Variants in PPP4R1 observed in about 807,000 individuals in gnomAD.
The protein encoded by PPP4R1 is serine/threonine-protein phosphatase 4 regulatory subunit 1.
PPP4R1 carries 42 observed loss-of-function variants against 111.2 expected under a neutral mutation model. The ratio of observed to expected loss-of-function variants is 0.38; its 90% CI spans 0.29 to 0.49. The LOEUF (loss-of-function observed/expected upper bound fraction) is 0.49, where lower values mean the gene tolerates loss of function less well. Among genes scored for constraint, PPP4R1 ranks in the 20% least tolerant of loss-of-function variants. The pLI is 0.97. For missense variants in PPP4R1, 1,012 were observed against 1,161.6 expected (o/e 0.87, Z 1.87); for synonymous variants, 409 against 405.5 (o/e 1.01, Z -0.10).
At chr18:9,583,734 A>C (rs2067070222) in intron 8 of PPP4R1, among the ~76,000 whole-genome samples, 1 of 152,172 alleles carries the variant, frequency 6.6e-6, no homozygotes, top group Non-Finnish European at 1.5e-5. Flanking sequence ...AACAATTTTC[A>C]ATAAATCACA....
intron 6 of PPP4R1, chr18:9,587,430 T>G (rs1418231940): frequency 6.7e-6 from 1 of 149,274 alleles, no homozygotes; most frequent in African/African-American, 2.5e-5. Context: ...TAAGACAGAG[T>G]CTTGTTCTGT....
At chr18:9,591,219 A>G (rs1010513175) in intron 4 of PPP4R1, among the ~76,000 whole-genome samples, 9 of 151,906 alleles carry the variant, frequency 5.9e-5, no homozygotes, top group Non-Finnish European at 1.3e-4. Context: ...ATGGTGGTGC[A>G]TGCCTGTAAT....
chr18:9,549,401 G>A, intron 18 of PPP4R1, 63 bp from the exon 19 acceptor site: 1 of 1,539,242 alleles, frequency 6.5e-7, no homozygotes, highest in Non-Finnish European at 8.9e-7. Flanking sequence ...TCGACTACTG[G>A]CTAACAAAAT....
At chr18:9,561,306 G>C (rs1286364321) in intron 13 of PPP4R1, among the ~76,000 whole-genome samples, 1 of 151,744 alleles carries the variant, frequency 6.6e-6, no homozygotes, top group East Asian at 1.9e-4. Flanking sequence ...CATGGTGAAT[G>C]CAGCACTGCT....
At chr18:9,600,426 T>C (rs1410092184) in intron 2 of PPP4R1, among the ~76,000 whole-genome samples, 1 of 152,054 alleles carries the variant, frequency 6.6e-6, no homozygotes, top group Non-Finnish European at 1.5e-5. Context: ...TTACATTAAA[T>C]ATAAATGGAC....
chr18:9,557,231 T>G lies in PPP4R1; in HGVS notation c.2180A>C (p.Asp727Ala). ...AAATTTAAAAGTTACCTTCAGAAAATCATGCAAGTGTTTAAGAACACCTAT... is the reference window on the plus strand; with the variant it reads ...AAATTTAAAAGTTACCTTCAGAAAAGCATGCAAGTGTTTAAGAACACCTAT... ...VRIGVLKHLH[D>A]FLKLLHIDKR... The change falls in exon 15 of 20, where the codon GAT (aspartate) becomes GCT (alanine). Residue 727 changes from aspartate (D) to alanine (A), a missense_variant. By Grantham distance (126) the Asp-to-Ala change is moderately radical. Around this residue, in one of 2 missense-constraint regions of PPP4R1, gnomAD observed 305 missense variants for 419.5 expected, o/e 0.73. Transcript: ENST00000400556. 6.4e-7 allele frequency: 1 copy of G among 1,571,972 alleles called. No individual in the cohort carries two copies. The highest frequency in any genetic ancestry group is 8.6e-7 in the Non-Finnish European group (1 of 1,167,080).
intron 2 of PPP4R1, among the ~76,000 whole-genome samples, chr18:9,603,542 C>A (rs2067427876): frequency 6.6e-6 from 1 of 152,154 alleles, no homozygotes; most frequent in South Asian, 2.1e-4. Flanking sequence ...GAGAGAGTCT[C>A]ATGTGATCAT....
At chr18:9,556,155 G>A (rs571463065) in intron 15 of PPP4R1, among the ~76,000 whole-genome samples, 42 of 148,354 alleles carry the variant, frequency 2.8e-4, no homozygotes, top group East Asian at 6.2e-4. Flanking sequence ...GCGAGACTCC[G>A]AATATGATCT....
At chr18:9,598,585 A>G (rs2067328288) in intron 2 of PPP4R1, among the ~76,000 whole-genome samples, 1 of 122,448 alleles carries the variant, frequency 8.2e-6, no homozygotes, top group Admixed American at 7.7e-5. Context: ...AAGCTGAAAT[A>G]AAGATTTTTT....
intron 10 of PPP4R1, 23 bp downstream of exon 10, chr18:9,577,041 A>G (rs915888082): frequency 6.7e-7 from 1 of 1,495,216 alleles, no homozygotes; most frequent in Admixed American, 2.3e-5. Flanking sequence ...TTTTAAAATT[A>G]GAAAATGGTT....
At chr18:9,602,296 C>T in intron 2 of PPP4R1, among the ~76,000 whole-genome samples, 1 of 145,400 alleles carries the variant, frequency 6.9e-6, no homozygotes, top group Admixed American at 7.1e-5. Context: ...CTTTGGGAGG[C>T]CAAGGCAGGC....
rs2067640213 is a variant in PPP4R1 at position 9,614,141 on chromosome 18, G to A, written c.52+85C>T. 2 of 1,158,308 alleles carry A rather than the reference G, an allele frequency of 1.7e-6. No individual in the cohort carries two copies. Among genetic ancestry groups the A allele is most frequent in the Non-Finnish European group, 2.2e-6 (2 of 916,814 alleles). The allele number at this position is 1,158,308 out of a possible 1,614,324, so 71.8% of individuals were successfully genotyped here. On this transcript the variant is annotated intron_variant, in intron 2 of 19. Coordinates refer to ENST00000400556, the MANE Select transcript of PPP4R1 (RefSeq NM_001042388.3). The surrounding 1 kb of genome is among the most constrained non-coding windows in gnomAD (Gnocchi z 4.1). ...CGCCCACCGTCCCCTCAGCCAGCCA[G>A]GGCCCGGCCCAGGCCTCGCCGCCGC...
At chr18:9,607,123 C>T (rs1192547168) in intron 2 of PPP4R1, among the ~76,000 whole-genome samples, 2 of 152,080 alleles carry the variant, frequency 1.3e-5, no homozygotes, top group Non-Finnish European at 2.9e-5. Flanking sequence ...CTTTGGGAGG[C>T]CAAGACAGGT....
intron 11 of PPP4R1, among the ~76,000 whole-genome samples, chr18:9,564,924 G>A (rs547952675): frequency 6.6e-6 from 1 of 151,730 alleles, no homozygotes; most frequent in African/African-American, 2.4e-5. Flanking sequence ...GCTCACTGAA[G>A]CACTGAACCC....
At chr18:9,575,157 C>T (rs1425091203) in intron 10 of PPP4R1, among the ~76,000 whole-genome samples, 4 of 152,114 alleles carry the variant, frequency 2.6e-5, no homozygotes, top group Non-Finnish European at 4.4e-5. Context: ...AATATGTTGC[C>T]AAAAACTTGC....
intron 10 of PPP4R1, among the ~76,000 whole-genome samples, chr18:9,576,430 A>T: frequency 6.6e-6 from 1 of 152,164 alleles, no homozygotes. Context: ...TAAATTTAAT[A>T]GAAAATTTTC....
intron 13 of PPP4R1, among the ~76,000 whole-genome samples, chr18:9,560,851 A>G (rs1159010712): frequency 2.7e-5 from 4 of 148,570 alleles, no homozygotes; most frequent in African/African-American, 1.0e-4. Flanking sequence ...GACAGAGCGG[A>G]GACCCCATCT....
At chr18:9,614,998 C>G (rs1598978894), upstream of PPP4R1, 1 of 152,296 alleles carries the variant, frequency 6.6e-6, no homozygotes, top group Non-Finnish European at 1.5e-5. This position sits in a 1 kb window ranked among gnomAD's most constrained non-coding sequence, Gnocchi z 4.1. Context: ...GCCAGCGCCC[C>G]ATCCCCAGGC....
At chr18:9,611,139 T>C (rs529287141) in intron 2 of PPP4R1, among the ~76,000 whole-genome samples, 4 of 152,308 alleles carry the variant, frequency 2.6e-5, no homozygotes, top group Middle Eastern at 3.4e-3. Flanking sequence ...TCTTCCCTCA[T>C]AGTCCAGGTT....
Sources: gnomAD v4.1 joint callset for allele counts (sites outside exome capture counted in the v4.1 genomes callset) on GRCh38, gnomAD v4.1.1 for gene constraint, gnomAD v4.1.1 regional missense constraint, Gnocchi (gnomAD v3.1) non-coding constraint, MANE v1.5 for transcripts, NCBI Gene and HGNC (gene_info 2026-07-23, HGNC 2026-07-21) for gene names.